Variants in HEXB observed in about 807,000 individuals in gnomAD.
HEXB encodes the protein hexosaminidase subunit beta.
HEXB carries 51 observed loss-of-function variants against 71.2 expected under a neutral mutation model. The ratio of observed to expected loss-of-function variants is 0.72; its 90% CI spans 0.57 to 0.90. The LOEUF (loss-of-function observed/expected upper bound fraction) is 0.90. Among genes scored for constraint, HEXB ranks in the 40% least tolerant of loss-of-function variants. The probability of loss-of-function intolerance (pLI) is 0.00; values close to 1 mark genes in which losing one functional copy is unlikely to be tolerated. For synonymous variants in HEXB, 266 were observed against 249.3 expected, an observed-to-expected ratio of 1.07 and a Z score of -0.63; for missense variants, 617 against 677.0, an observed-to-expected ratio of 0.91 and a Z score of 0.98.
chr5:74,668,014 GA>G (rs1302206660), intron 1 of HEXB, among the ~76,000 whole-genome samples: 2 of 152,088 alleles, frequency 1.3e-5, no homozygotes, highest in African/African-American at 4.8e-5. Flanking sequence ...GTTCTCAGGG[GA>G]CAGACAACCT....
rs146404383 is a variant in HEXB, at chr5:74,703,807, C to T, written c.670-1412C>T. ...CAGCCTCCAGAATGGATGGGACTAC[C>T]GGCACTACCGGCATGTGTCACGATG... On this transcript the variant is annotated intron_variant, in intron 5 of 13. Coordinates refer to ENST00000261416, the MANE Select transcript of HEXB (RefSeq NM_000521.4). Among the ~76,000 whole-genome samples the T allele has an allele frequency of 4.9e-3, 751 of 152,066 alleles. 10 individuals are homozygous for T. Among genetic ancestry groups the T allele is most frequent in the African/African-American group, 0.017 (704 of 41,500 alleles).
At chr5:74,717,323 G>A (rs1749694978) in intron 9 of HEXB, among the ~76,000 whole-genome samples, 2 of 152,082 alleles carry the variant, frequency 1.3e-5, no homozygotes, top group South Asian at 4.2e-4. Context: ...ATATACCTGT[G>A]CTACCCAATA....
At chr5:74,697,321 T>C (rs1749135171) in intron 5 of HEXB, among the ~76,000 whole-genome samples, 1 of 152,196 alleles carries the variant, frequency 6.6e-6, no homozygotes, top group Admixed American at 6.5e-5. Context: ...GAGAGCCACG[T>C]ATAACATGTA....
rs113969017 is a variant in HEXB at position 74,647,288 on chromosome 5, G to A, written c.-377+6730G>A. ...TTGGCCTCTATGCTCTGCTTCTAGG[G>A]CACAATGCCAAGTCTCTAAGCATGT... On this transcript the variant is annotated intron_variant, in intron 1 of 13. Coordinates refer to the HEXB transcript ENST00000511181. 5.3e-3 allele frequency among the ~76,000 whole-genome samples: 808 copies of A among 152,330 alleles called. 5 individuals are homozygous for A. Among genetic ancestry groups the A allele is most frequent in the African/African-American group, 0.018 (758 of 41,572 alleles).
intron 1 of HEXB, among the ~76,000 whole-genome samples, chr5:74,652,000 C>T (rs1748120616): frequency 6.6e-6 from 1 of 152,200 alleles, no homozygotes; most frequent in African/African-American, 2.4e-5. Context: ...CTGTGTAAAA[C>T]TACTCTTATG....
At chr5:74,714,067 CCTCATGAT>C (rs1749617297) in intron 7 of HEXB, among the ~76,000 whole-genome samples, 1 of 152,232 alleles carries the variant, frequency 6.6e-6, no homozygotes, top group Non-Finnish European at 1.5e-5. Context: ...GATCTCCCCT[CCTCATGAT>C]CGGCCCGCCT....
At chr5:74,718,084 C>T (rs1749719877) in intron 9 of HEXB, among the ~76,000 whole-genome samples, 1 of 151,900 alleles carries the variant, frequency 6.6e-6, no homozygotes, top group Admixed American at 6.6e-5. Context: ...TTATTAAACC[C>T]CCATACTATG....
chr5:74,715,715 T>C, intron 8 of HEXB, 25 bp downstream of exon 8: 1 of 1,418,726 alleles, frequency 7.0e-7, no homozygotes, highest in South Asian at 1.2e-5. Context: ...TAAAACCCCT[T>C]TAAAAAAAAA....
chr5:74,685,436 T>C lies in HEXB; in HGVS notation c.176T>C (p.Leu59Pro), dbSNP rs774155487. 8.7e-6 allele frequency: 14 copies of C among 1,608,618 alleles called. No individual in the cohort carries two copies. The highest frequency in any genetic ancestry group is 1.2e-5 in the Non-Finnish European group (14 of 1,178,238). The change falls in exon 1 of 14, where the codon CTG (leucine) becomes CCG (proline). Residue 59 changes from leucine to proline, a missense_variant. Transcript: ENST00000261416. The part of the protein sequence containing the change: ...SAKPGPALWP[L>P]PLLVKMTPNL... ...AAGCCGGGGCCGGCGCTGTGGCCCC[T>C]GCCGCTCTTGGTGAAGATGACCCCG... is the stretch of plus-strand genomic sequence containing the variant.
At chr5:74,677,075 T>C (rs59650752) in intron 1 of HEXB, among the ~76,000 whole-genome samples, 20,486 of 151,700 alleles carry the variant, frequency 0.14, 1,546 homozygotes, top group East Asian at 0.26. Flanking sequence ...TTAGTAGAGA[T>C]GGGGTTTCAA....
In HEXB at chr5:74,662,822, T is replaced by C. The variant is rs763656773; in HGVS notation, c.-377+22264T>C. Among the ~76,000 whole-genome samples the C allele has an allele frequency of 5.9e-5, 9 of 152,306 alleles. No homozygotes were observed. In the South Asian group the frequency reaches 1.9e-3, roughly 32 times the overall value. On this transcript the variant is annotated intron_variant, in intron 1 of 13. Coordinates refer to the HEXB transcript ENST00000511181. ...ATAATTTGGTTTTTTGTAAAGGATG[T>C]GGTCCTAGAGCAGAAACAAACCTCA...
chr5:74,675,710 T>C (rs2112108634), intron 1 of HEXB, among the ~76,000 whole-genome samples: 1 of 152,318 alleles, frequency 6.6e-6, no homozygotes, highest in African/African-American at 2.4e-5. Context: ...GAACAAGCCA[T>C]TGAAATGTTT....
intron 1 of HEXB, among the ~76,000 whole-genome samples, chr5:74,664,367 A>G (rs820861): frequency 0.26 from 38,973 of 148,892 alleles, 5,270 homozygotes; most frequent in Non-Finnish European, 0.29. Context: ...GGAGATGAAG[A>G]TCAAAGTAGC....
At chr5:74,707,389 C>T (rs1026436997) in intron 6 of HEXB, among the ~76,000 whole-genome samples, 1 of 152,198 alleles carries the variant, frequency 6.6e-6, no homozygotes, top group African/African-American at 2.4e-5. Context: ...GAGCACCTCT[C>T]TTCTTCCAAA....
At chr5:74,677,053 AT>A (rs1357943045) in intron 1 of HEXB, among the ~76,000 whole-genome samples, 1 of 151,596 alleles carries the variant, frequency 6.6e-6, no homozygotes, top group Non-Finnish European at 1.5e-5. Flanking sequence ...CACCCCATTA[AT>A]TTTTGTATTT....
At chr5:74,699,201 T>C (rs965427103) in intron 5 of HEXB, among the ~76,000 whole-genome samples, 6 of 151,494 alleles carry the variant, frequency 4.0e-5, no homozygotes, top group African/African-American at 1.5e-4. Flanking sequence ...ACAAACAAAA[T>C]GAATATATTA....
chr5:74,690,425 G>A (rs1297423766), intron 2 of HEXB, among the ~76,000 whole-genome samples: 1 of 151,940 alleles, frequency 6.6e-6, no homozygotes, highest in Non-Finnish European at 1.5e-5. Flanking sequence ...TGAGGTGGGT[G>A]GATCACTTAA....
At chr5:74,679,747 C>T (rs1188692654) in intron 1 of HEXB, among the ~76,000 whole-genome samples, 2 of 137,160 alleles carry the variant, frequency 1.5e-5, no homozygotes, top group Non-Finnish European at 1.5e-5. Context: ...TTGCAGTGAT[C>T]CGAGACTGCA....
intron 10 of HEXB, 51 bp from the exon 11 acceptor site, chr5:74,718,746 A>T (rs781546039): frequency 6.5e-7 from 1 of 1,544,996 alleles, no homozygotes; most frequent in Non-Finnish European, 8.9e-7. Context: ...TTTCAATTTC[A>T]TCTACTGTTC....
Sources: gnomAD v4.1 joint callset for allele counts (sites outside exome capture counted in the v4.1 genomes callset) on GRCh38, gnomAD v4.1.1 for gene constraint, MANE v1.5 for transcripts, NCBI Gene and HGNC (gene_info 2026-07-23, HGNC 2026-07-21) for gene names.